Variants in NOS1 observed in about 807,000 individuals in gnomAD.
The protein encoded by NOS1 is NOS type I.
Under a neutral mutation model 164.5 loss-of-function variants are expected in NOS1, and 51 were observed. The ratio of observed to expected loss-of-function variants is 0.31; its 90% CI spans 0.25 to 0.39. The LOEUF (loss-of-function observed/expected upper bound fraction) is 0.39. Among genes scored for constraint, NOS1 ranks in the 10% least tolerant of loss-of-function variants. The pLI, the probability that NOS1 is intolerant of heterozygous loss-of-function variation, is 1.00. For missense variants in NOS1, 1,362 were observed against 1,885.6 expected (o/e 0.72, Z 5.14); for synonymous variants, 719 against 745.8 (o/e 0.96, Z 0.59).
At chr12:117,258,558 T>C (rs1871644410) in intron 15 of NOS1, 103 bp from the exon 16 acceptor site, 11 of 1,180,222 alleles carry the variant, frequency 9.3e-6, no homozygotes, top group African/African-American at 4.5e-5. Flanking sequence ...AGGAGACTGA[T>C]GCCCGGAGGC....
intron 3 of NOS1, among the ~76,000 whole-genome samples, chr12:117,310,782 A>T (rs1254654457): frequency 6.6e-6 from 1 of 152,098 alleles, no homozygotes; most frequent in Non-Finnish European, 1.5e-5. Context: ...GTAGCTAGGA[A>T]CTACAGGTAT....
At position 117,232,892 on chromosome 12, in the gene NOS1, C is replaced by T. The variant is rs773971583; in HGVS notation, c.3236-761G>A. ...ATTTTATTTATTTATTTTTTTGAGA[C>T]AGGGTCTCACTCTGTTGCCCAGGCG... On this transcript the variant is annotated intron_variant, in intron 21 of 28. Coordinates refer to ENST00000317775, the MANE Select transcript of NOS1 (RefSeq NM_000620.5). 5.9e-5 allele frequency among the ~76,000 whole-genome samples: 9 copies of T among 151,994 alleles called. No individual in the cohort carries two copies. The South Asian group carries it at 1.9e-3, about 32-fold the overall frequency.
intron 16 of NOS1, 111 bp downstream of exon 16, chr12:117,258,286 C>T: frequency 9.2e-7 from 1 of 1,081,680 alleles, no homozygotes; most frequent in Non-Finnish European, 1.4e-6. Flanking sequence ...TACAAATGGA[C>T]TTCAGATTAC....
chr12:117,285,542 A>C (rs1300525879), intron 6 of NOS1, among the ~76,000 whole-genome samples: 1 of 152,094 alleles, frequency 6.6e-6, no homozygotes, highest in Non-Finnish European at 1.5e-5. Flanking sequence ...AAAAAAAAAA[A>C]AAATCGCCTA....
At chr12:117,237,184 GTC>G (rs910484552) in intron 20 of NOS1, among the ~76,000 whole-genome samples, 1 of 151,984 alleles carries the variant, frequency 6.6e-6, no homozygotes, top group African/African-American at 2.4e-5. Context: ...TTGAGATGGA[GTC>G]TCTCTCTGTT....
intron 24 of NOS1, 58 bp from the exon 25 acceptor site, chr12:117,225,195 T>A: frequency 6.4e-7 from 1 of 1,565,938 alleles, no homozygotes. Context: ...TCAAGAACAA[T>A]TGAATCTTAG....
intron 2 of NOS1, among the ~76,000 whole-genome samples, chr12:117,324,762 G>T (rs1165681535): frequency 6.7e-6 from 1 of 148,920 alleles, no homozygotes; most frequent in Non-Finnish European, 1.5e-5. Flanking sequence ...AAGTACAGAA[G>T]GTGCTGAAAC....
At chr12:117,309,590 T>G (rs7299154) in intron 3 of NOS1, among the ~76,000 whole-genome samples, 20,706 of 152,176 alleles carry the variant, frequency 0.14, 1,645 homozygotes, top group East Asian at 0.26. Flanking sequence ...GAGGATGGGT[T>G]TGAAATTCAC....
Position 117,208,289 on chromosome 12 carries a change from G to A in NOS1, c.*7020C>T, listed in dbSNP as rs1956468399. Reference sequence around the variant, plus strand: ...ACAACCTCGCAAAGAGCGTGGGGTGGGCGTCAGTCCTTCAAGGAAGGTGCT... The same window carrying A: ...ACAACCTCGCAAAGAGCGTGGGGTGAGCGTCAGTCCTTCAAGGAAGGTGCT... On this transcript the variant is annotated 3_prime_UTR_variant, in exon 29 of 29. Coordinates refer to ENST00000317775, the MANE Select transcript of NOS1 (RefSeq NM_000620.5). 3 of 1,288,802 alleles carry A rather than the reference G, an allele frequency of 2.3e-6. No individual in the cohort carries two copies. The highest frequency in any genetic ancestry group is 3.0e-5 in the African/African-American group (2 of 65,838). The allele number at this position is 1,288,802 out of a possible 1,614,324, so 79.8% of individuals were successfully genotyped here. A position where few individuals can be genotyped will look rare whatever the true frequency, so the allele number is the denominator to read the frequency against.
intron 17 of NOS1, among the ~76,000 whole-genome samples, chr12:117,250,762 C>A (rs984287776): frequency 6.6e-6 from 1 of 152,110 alleles, no homozygotes; most frequent in Non-Finnish European, 1.5e-5. Flanking sequence ...GAAAGGGAAA[C>A]CCTACCCAAA....
chr12:117,260,973 G>A (rs576767362), intron 13 of NOS1, among the ~76,000 whole-genome samples: 2 of 151,976 alleles, frequency 1.3e-5, no homozygotes, highest in Admixed American at 6.6e-5. Context: ...TTTGCCACCA[G>A]CCTGGGCAAC....
At chr12:117,297,434 C>T (rs568887669) in intron 3 of NOS1, among the ~76,000 whole-genome samples, 1 of 151,766 alleles carries the variant, frequency 6.6e-6, no homozygotes, top group African/African-American at 2.4e-5. Flanking sequence ...TCTTGTTGCC[C>T]AGGCTGGAGT....
At chr12:117,329,008 C>A (rs1875399021) in intron 2 of NOS1, among the ~76,000 whole-genome samples, 1 of 152,156 alleles carries the variant, frequency 6.6e-6, no homozygotes, top group African/African-American at 2.4e-5. Context: ...ATCTGTGTAT[C>A]CAAACATATC....
At chr12:117,327,051 G>A (rs1566077748) in intron 2 of NOS1, among the ~76,000 whole-genome samples, 1 of 152,160 alleles carries the variant, frequency 6.6e-6, no homozygotes, top group Non-Finnish European at 1.5e-5. Flanking sequence ...CTGGGGGTGT[G>A]GCTGAAATAG....
chr12:117,243,249 T>C lies in NOS1; in HGVS notation c.2962+48A>G. On this transcript the variant is annotated intron_variant, in intron 19 of 28. Coordinates refer to ENST00000317775, the MANE Select transcript of NOS1 (RefSeq NM_000620.5). The surrounding 1 kb of genome is among the most constrained non-coding windows in gnomAD (Gnocchi z 4.3). ...CCTTCTGGAGGTGAGATCACCTGCC[T>C]TTCCCCCATTGTCACGAATACCTCC... 1 of 1,606,654 alleles carries C rather than the reference T, an allele frequency of 6.2e-7. No individual in the cohort carries two copies. Among genetic ancestry groups the C allele is most frequent in the Non-Finnish European group, 8.5e-7 (1 of 1,176,344 alleles).
rs747554137 is a variant in NOS1, at chr12:117,232,084, T to C, written c.3283A>G (p.Ile1095Val). 2 of 1,612,162 alleles carry C rather than the reference T, an allele frequency of 1.2e-6. No homozygotes were observed. The highest frequency in any genetic ancestry group is 1.1e-5 in the South Asian group (1 of 90,986). The change falls in exon 22 of 29, where the codon ATC becomes GTC. Residue 1095 changes from isoleucine (I) to valine (V), a missense_variant. Ile to Val is a conservative substitution (Grantham distance 29). Transcript: ENST00000317775. ...TDELRLPPCT[I>V]FQAFKYYLDI... ...AGGTAGTACTTGAAGGCCTGGAAGA[T>C]GGTGCAGGGCGGGAGGCGGAGCTCG...
rs1232911864 is a variant in NOS1 at position 117,212,117 on chromosome 12, T to C, written c.*3192A>G. On this transcript the variant is annotated 3_prime_UTR_variant, in exon 29 of 29. Transcript: ENST00000317775. The stretch of plus-strand genomic sequence containing the variant: ...CACGAGAGGAACTGTGTTTTGCTTA[T>C]CTCTGCAAACTGCCCGGTGCCTTCC... 7 of 985,216 alleles carry C rather than the reference T, an allele frequency of 7.1e-6. No homozygotes were observed. Among genetic ancestry groups the C allele is most frequent in the Non-Finnish European group, 8.4e-6 (7 of 829,900 alleles). The allele number at this position is 985,216 out of a possible 1,614,324, so 61.0% of individuals were successfully genotyped here. A position where few individuals can be genotyped will look rare whatever the true frequency, so the allele number is the denominator to read the frequency against.
intron 25 of NOS1, among the ~76,000 whole-genome samples, chr12:117,223,317 C>T (rs976727235): frequency 1.5e-4 from 22 of 151,128 alleles, no homozygotes; most frequent in Non-Finnish European, 3.1e-4. Flanking sequence ...GGCTGGAGTG[C>T]GTGGCACGAC....
chr12:117,260,118 C>CAAAAAAAA (rs60261967), intron 14 of NOS1, among the ~76,000 whole-genome samples: 1 of 115,800 alleles, frequency 8.6e-6, no homozygotes, highest in Non-Finnish European at 1.9e-5. Context: ...AACTCCTTCT[C>CAAAAAAAA]AAAAAAAAAA....
Sources: gnomAD v4.1 joint callset for allele counts (sites outside exome capture counted in the v4.1 genomes callset) on GRCh38, gnomAD v4.1.1 for gene constraint, Gnocchi (gnomAD v3.1) non-coding constraint, MANE v1.5 for transcripts, NCBI Gene and HGNC (gene_info 2026-07-23, HGNC 2026-07-21) for gene names.